Variants in ANKRD45 observed in about 807,000 individuals in gnomAD.
The protein encoded by ANKRD45 is ankyrin repeat domain-containing protein 45.
In ANKRD45, 21 loss-of-function variants were observed where a neutral mutation model predicts 28.1. That is an observed-to-expected ratio of 0.75 (90% CI 0.53 to 1.08). ANKRD45 has a LOEUF of 1.08. Among genes scored for constraint, ANKRD45 ranks in the 50% least tolerant of loss-of-function variants. ANKRD45 has a pLI of 0.00. For missense variants in ANKRD45, 261 were observed against 308.7 expected, an observed-to-expected ratio of 0.85 and a Z score of 1.16; for synonymous variants, 86 against 103.9, an observed-to-expected ratio of 0.83 and a Z score of 1.05.
At chr1:173,688,980 C>A in the ANKRD45 span, among the ~76,000 whole-genome samples, 1 of 152,198 alleles carries the variant, frequency 6.6e-6, no homozygotes, top group African/African-American at 2.4e-5. Context: ...AACAGAGGAG[C>A]AAGCAGCGCC....
chr1:173,685,148 T>G, the ANKRD45 span, among the ~76,000 whole-genome samples: 1 of 152,110 alleles, frequency 6.6e-6, no homozygotes, highest in Non-Finnish European at 1.5e-5. Context: ...TGGGAGAGTG[T>G]CCAGTAAAGA....
At chr1:173,615,171 G>T (rs1667406723) in intron 5 of ANKRD45, among the ~76,000 whole-genome samples, 1 of 151,666 alleles carries the variant, frequency 6.6e-6, no homozygotes, top group African/African-American at 2.4e-5. Flanking sequence ...TGGCTCACAA[G>T]GTCAGGAGAT....
intron 5 of ANKRD45, among the ~76,000 whole-genome samples, chr1:173,613,557 G>C (rs1306303249): frequency 7.1e-6 from 1 of 141,516 alleles, no homozygotes; most frequent in Non-Finnish European, 1.5e-5. Flanking sequence ...GGAGGTGGGG[G>C]GTCAGCCCCC....
chr1:173,625,578 A>G (rs1667897337), intron 4 of ANKRD45, among the ~76,000 whole-genome samples: 1 of 152,292 alleles, frequency 6.6e-6, no homozygotes, highest in South Asian at 2.1e-4. Flanking sequence ...AGATAAATAA[A>G]TACATTTGTG....
the ANKRD45 span, among the ~76,000 whole-genome samples, chr1:173,682,935 C>G: frequency 7.8e-6 from 1 of 127,522 alleles, no homozygotes; most frequent in East Asian, 2.1e-4. Context: ...AAAATCTTGC[C>G]TCTCTCTTTT....
the ANKRD45 span, among the ~76,000 whole-genome samples, chr1:173,694,364 C>T: frequency 6.6e-6 from 1 of 151,938 alleles, no homozygotes; most frequent in East Asian, 1.9e-4. Context: ...AGGGTTTCAC[C>T]ATATTGGTCA....
chr1:173,705,150 G>GGATT, the ANKRD45 span, among the ~76,000 whole-genome samples: 1 of 151,972 alleles, frequency 6.6e-6, no homozygotes, highest in African/African-American at 2.4e-5. Context: ...AGCATCCGGT[G>GGATT]GATTGTGTCC....
chr1:173,670,331 T>G (rs1041291800), upstream of ANKRD45, among the ~76,000 whole-genome samples: 1 of 151,920 alleles, frequency 6.6e-6, no homozygotes, highest in Non-Finnish European at 1.5e-5. Context: ...AAAACACAAC[T>G]TTAAAAGGGG....
At chr1:173,674,557 A>G (rs1172125330), upstream of ANKRD45, among the ~76,000 whole-genome samples, 2 of 152,318 alleles carry the variant, frequency 1.3e-5, no homozygotes, top group Non-Finnish European at 2.9e-5. Flanking sequence ...TTAAGAAGAC[A>G]TGAGACATTA....
the ANKRD45 span, among the ~76,000 whole-genome samples, chr1:173,695,254 G>A: frequency 6.6e-6 from 1 of 152,116 alleles, no homozygotes; most frequent in Non-Finnish European, 1.5e-5. Flanking sequence ...TGTTAGGTGG[G>A]TATATAACAT....
intron 5 of ANKRD45, 100 bp from the exon 6 acceptor site, chr1:173,610,315 G>T: frequency 8.7e-7 from 1 of 1,148,338 alleles, no homozygotes; most frequent in Non-Finnish European, 1.3e-6. Context: ...AAATTAGATT[G>T]TCCCAGGCTG....
At chr1:173,612,977 A>G (rs1392843651) in intron 5 of ANKRD45, among the ~76,000 whole-genome samples, 1 of 152,006 alleles carries the variant, frequency 6.6e-6, no homozygotes, top group Non-Finnish European at 1.5e-5. Flanking sequence ...TTGGCCTCCC[A>G]AAATGCCGAG....
intron 3 of ANKRD45, among the ~76,000 whole-genome samples, chr1:173,638,602 AGG>A (rs1668562641): frequency 6.6e-6 from 1 of 152,220 alleles, no homozygotes; most frequent in Non-Finnish European, 1.5e-5. Context: ...CGAGTAAGAC[AGG>A]GAAGATAAAC....
intron 3 of ANKRD45, chr1:173,636,976 G>C (rs1440269680): frequency 8.3e-5 from 127 of 1,535,404 alleles, no homozygotes; most frequent in Non-Finnish European, 1.0e-4. Flanking sequence ...CTTCCTCTAA[G>C]AAAATTAAGC....
At chr1:173,666,027 C>T (rs1325375263) in intron 1 of ANKRD45, among the ~76,000 whole-genome samples, 1 of 151,896 alleles carries the variant, frequency 6.6e-6, no homozygotes, top group Non-Finnish European at 1.5e-5. Context: ...AAAACAACAA[C>T]AAAAAAACCA....
chr1:173,610,648 T>C (rs577886594), intron 5 of ANKRD45, among the ~76,000 whole-genome samples: 223 of 152,074 alleles, frequency 1.5e-3, no homozygotes, highest in Non-Finnish European at 2.7e-3. Context: ...GGGGGGATTG[T>C]TGGGCCAGGT....
intron 4 of ANKRD45, 74 bp downstream of exon 4, chr1:173,626,991 A>G: frequency 9.6e-7 from 1 of 1,042,398 alleles, no homozygotes; most frequent in Non-Finnish European, 1.5e-6. Context: ...CCTTTAGAAC[A>G]TCAGTGCAAA....
At chr1:173,651,905 T>C (rs1036714182) in intron 2 of ANKRD45, among the ~76,000 whole-genome samples, 1 of 152,214 alleles carries the variant, frequency 6.6e-6, no homozygotes, top group Non-Finnish European at 1.5e-5. Context: ...TTCTCTGTTA[T>C]TGGCGTATAG....
At chr1:173,645,287 C>T (rs1288207704) in intron 3 of ANKRD45, among the ~76,000 whole-genome samples, 1 of 152,176 alleles carries the variant, frequency 6.6e-6, no homozygotes, top group Non-Finnish European at 1.5e-5. Context: ...GATGAACATG[C>T]ATCTTACCAC....
Sources: allele counts gnomAD v4.1 joint callset (sites outside exome capture counted in the v4.1 genomes callset), GRCh38; gene constraint gnomAD v4.1.1; transcripts MANE v1.5; gene names NCBI Gene and HGNC (gene_info 2026-07-23, HGNC 2026-07-21).